RANBP2: variants seen among roughly 807,000 people sequenced by gnomAD.
RANBP2 encodes the protein E3 SUMO-protein ligase RanBP2.
RANBP2 carries 57 observed loss-of-function variants against 303.6 expected under a neutral mutation model. The ratio of observed to expected loss-of-function variants is 0.19; its 90% CI spans 0.15 to 0.23. The LOEUF (loss-of-function observed/expected upper bound fraction) is 0.23. Ranked by LOEUF, RANBP2 falls within the 10% of genes least tolerant of loss-of-function variation. RANBP2 has a pLI of 1.00. For missense variants in RANBP2, 3,138 were observed against 3,780.8 expected (o/e 0.83, Z 4.46); for synonymous variants, 1,167 against 1,301.5 (o/e 0.90, Z 2.23).
the RANBP2 span, among the ~76,000 whole-genome samples, chr2:109,215,493 C>T: frequency 6.6e-6 from 1 of 152,032 alleles, no homozygotes; most frequent in Non-Finnish European, 1.5e-5. Flanking sequence ...GTAGCCGGGC[C>T]CTGATTTCAG....
chr2:108,955,051 C>T, the RANBP2 span, among the ~76,000 whole-genome samples: 25 of 152,188 alleles, frequency 1.6e-4, no homozygotes, highest in African/African-American at 2.4e-4. Flanking sequence ...CTGAGGGAAG[C>T]GCTCACAACT....
chr2:109,221,992 A>C, the RANBP2 span, among the ~76,000 whole-genome samples: 3 of 152,084 alleles, frequency 2.0e-5, no homozygotes, highest in African/African-American at 4.8e-5. Context: ...AAAAAAAAAA[A>C]ACACAGGGGA....
chr2:108,949,803 C>T, the RANBP2 span, among the ~76,000 whole-genome samples: 6 of 152,264 alleles, frequency 3.9e-5, no homozygotes, highest in African/African-American at 1.4e-4. Context: ...AGGTATGTAG[C>T]CAATGATTTA....
At chr2:109,392,570 G>A in the RANBP2 span, among the ~76,000 whole-genome samples, 21 of 151,944 alleles carry the variant, frequency 1.4e-4, no homozygotes, top group South Asian at 1.0e-3. Context: ...GTGCAGTGGC[G>A]TGATCTTGGC....
the RANBP2 span, chr2:109,613,736 G>A: frequency 9.0e-7 from 1 of 1,105,558 alleles, no homozygotes; most frequent in Non-Finnish European, 1.1e-6. Context: ...TGGGTCGAGG[G>A]CGGGAAGTCC....
At chr2:109,289,101 G>A in the RANBP2 span, among the ~76,000 whole-genome samples, 1 of 152,160 alleles carries the variant, frequency 6.6e-6, no homozygotes. Context: ...TTATAAAGCT[G>A]AACTGGATTT....
the RANBP2 span, among the ~76,000 whole-genome samples, chr2:108,959,275 G>C: frequency 6.6e-6 from 1 of 152,224 alleles, no homozygotes; most frequent in East Asian, 1.9e-4. Context: ...AAGCCCTGTG[G>C]TCTGCGATCT....
At chr2:109,323,848 A>G in the RANBP2 span, among the ~76,000 whole-genome samples, 1 of 152,210 alleles carries the variant, frequency 6.6e-6, no homozygotes, top group African/African-American at 2.4e-5. Flanking sequence ...TTATGTTTTT[A>G]TCTTTTTAAA....
the RANBP2 span, among the ~76,000 whole-genome samples, chr2:108,971,543 C>G: frequency 6.6e-6 from 1 of 151,664 alleles, no homozygotes; most frequent in African/African-American, 2.4e-5. Flanking sequence ...TAGCAGAGAG[C>G]TGAGTAAATG....
At chr2:109,506,751 G>C in the RANBP2 span, among the ~76,000 whole-genome samples, 1 of 152,186 alleles carries the variant, frequency 6.6e-6, no homozygotes, top group Non-Finnish European at 1.5e-5. Flanking sequence ...CCAATCTCTG[G>C]CTTTTCTTGA....
intron 8 of RANBP2, among the ~76,000 whole-genome samples, chr2:108,747,601 A>C (rs974469145): frequency 1.3e-5 from 2 of 150,936 alleles, no homozygotes; most frequent in Non-Finnish European, 3.0e-5. Context: ...TTTTCCTTCT[A>C]CCCTTGCAGG....
At chr2:109,378,066 A>G in the RANBP2 span, among the ~76,000 whole-genome samples, 1 of 152,220 alleles carries the variant, frequency 6.6e-6, no homozygotes, top group Admixed American at 6.5e-5. Flanking sequence ...TGCCTGGGCC[A>G]GGCGGGATGT....
the RANBP2 span, among the ~76,000 whole-genome samples, chr2:109,584,932 T>C: frequency 1.3e-5 from 2 of 152,190 alleles, no homozygotes; most frequent in Non-Finnish European, 2.9e-5. Context: ...CTAAAGAAAT[T>C]AGACAAATGG....
the RANBP2 span, among the ~76,000 whole-genome samples, chr2:109,362,080 CTA>C: frequency 5.3e-5 from 8 of 151,886 alleles, no homozygotes; most frequent in Non-Finnish European, 1.0e-4. Flanking sequence ...TTGATTTCTT[CTA>C]TTTCTTTTAT....
chr2:109,141,319 C>G, the RANBP2 span, among the ~76,000 whole-genome samples: 4 of 152,168 alleles, frequency 2.6e-5, no homozygotes, highest in South Asian at 8.3e-4. Flanking sequence ...CACTGGCTGG[C>G]TTTCTGGAGG....
chr2:109,627,845 A>G, the RANBP2 span, among the ~76,000 whole-genome samples: 2 of 152,364 alleles, frequency 1.3e-5, no homozygotes, highest in East Asian at 3.9e-4. Flanking sequence ...GTCTATTCTC[A>G]TTGCTATATA....
At chr2:108,776,334 GT>G (rs1229206617) in intron 24 of RANBP2, among the ~76,000 whole-genome samples, 1 of 152,098 alleles carries the variant, frequency 6.6e-6, no homozygotes, top group African/African-American at 2.4e-5. Context: ...ATTTAAGAAA[GT>G]TTTATGGTAC....
the RANBP2 span, among the ~76,000 whole-genome samples, chr2:109,458,481 A>G: frequency 5.9e-5 from 9 of 152,070 alleles, no homozygotes; most frequent in Non-Finnish European, 1.2e-4. Context: ...AAATGGGAAT[A>G]ATGTCTTTTT....
the RANBP2 span, among the ~76,000 whole-genome samples, chr2:108,970,297 G>A: frequency 1.3e-5 from 2 of 152,172 alleles, no homozygotes; most frequent in Non-Finnish European, 2.9e-5. Flanking sequence ...GGAGACATGA[G>A]ATGTTTGGAG....
Sources: allele counts gnomAD v4.1 joint callset (sites outside exome capture counted in the v4.1 genomes callset), GRCh38; gene constraint gnomAD v4.1.1; transcripts MANE v1.5; gene names NCBI Gene and HGNC (gene_info 2026-07-23, HGNC 2026-07-21).